The following SLC4A7 variants were observed in gnomAD, a reference collection of about 807,000 sequenced individuals.
SLC4A7 encodes solute carrier family 4 member 7, also known as sodium bicarbonate cotransporter 3.
In SLC4A7, 51 loss-of-function variants were observed where a neutral mutation model predicts 137.6. The ratio of observed to expected loss-of-function variants is 0.37; its 90% confidence interval spans 0.30 to 0.47. SLC4A7 has a LOEUF of 0.47. SLC4A7 is among the 20% of genes least tolerant of loss of function. SLC4A7 has a pLI of 1.00. For missense variants in SLC4A7, 1,247 were observed against 1,525.4 expected (o/e 0.82, Z 3.04); for synonymous variants, 542 against 518.6 (o/e 1.05, Z -0.61).
intron 1 of SLC4A7, among the ~76,000 whole-genome samples, chr3:27,466,337 GCAACT>G (rs2058994752): frequency 6.6e-6 from 1 of 151,826 alleles, no homozygotes; most frequent in South Asian, 2.1e-4. Context: ...TGTAGTCCCA[GCAACT>G]CAAAAGGCTG....
intron 1 of SLC4A7, among the ~76,000 whole-genome samples, chr3:27,459,942 A>G (rs529795812): frequency 8.0e-5 from 12 of 150,730 alleles, no homozygotes; most frequent in Non-Finnish European, 1.8e-4. Context: ...CCTTTCATTT[A>G]CAATCTCTCT....
intron 4 of SLC4A7, among the ~76,000 whole-genome samples, 168 bp downstream of exon 4, chr3:27,437,220 G>A (rs552605887): frequency 6.6e-5 from 10 of 152,030 alleles, no homozygotes; most frequent in East Asian, 5.8e-4. Flanking sequence ...GCGTGGTGGC[G>A]GGCGCCTGCA....
rs1397098787 is a variant in SLC4A7 at position 27,379,371 on chromosome 3, C to T, written c.3591-15G>A. The T allele has an allele frequency of 7.2e-7, 1 of 1,395,062 alleles. No homozygotes were observed. The highest frequency in any genetic ancestry group is 1.2e-5 in the South Asian group (1 of 81,042). The allele number at this position is 1,395,062 out of a possible 1,614,324, so 86.4% of individuals were successfully genotyped here. On this transcript the variant is annotated splice_polypyrimidine_tract_variant and intron_variant, in intron 24 of 25. Transcript: ENST00000454389. ...AGGGATCAACACTGAAGAACAAATA[C>T]ACTTTTTGGTTAGTATTCAGTACTT...
intron 10 of SLC4A7, among the ~76,000 whole-genome samples, chr3:27,420,228 T>C (rs2054821567): frequency 6.6e-6 from 1 of 151,676 alleles, no homozygotes; most frequent in African/African-American, 2.4e-5. Context: ...ATATGGGGCA[T>C]TTCAAATACC....
intron 1 of SLC4A7, among the ~76,000 whole-genome samples, chr3:27,477,677 T>C (rs996835086): frequency 7.9e-5 from 12 of 152,192 alleles, no homozygotes; most frequent in Non-Finnish European, 1.6e-4. Flanking sequence ...CGATCTTGGC[T>C]CACTGCAACC....
chr3:27,431,331 GCTC>G lies in SLC4A7; in HGVS notation c.1114_1116del (p.Glu372del). The stretch of plus-strand genomic sequence containing the variant: ...AAGTCAACATTTTCCTCATTCTTCT[GCTC>G]CTCGCCTTTCAGCGCTGCTTCTAAG... On this transcript the variant is annotated inframe_deletion, in exon 7 of 26. Coordinates refer to ENST00000454389, the MANE Select transcript of SLC4A7 (RefSeq NM_001321103.2). 1 of 1,605,772 alleles carries G rather than the reference GCTC, an allele frequency of 6.2e-7. No individual in the cohort carries two copies. Among genetic ancestry groups the G allele is most frequent in the South Asian group, 1.1e-5 (1 of 89,896 alleles).
intron 13 of SLC4A7, among the ~76,000 whole-genome samples, chr3:27,408,335 A>C (rs534839188): frequency 1.2e-4 from 19 of 152,346 alleles, no homozygotes; most frequent in Middle Eastern, 3.4e-3. Flanking sequence ...ACACATTTCC[A>C]TGGGGACTAG....
At chr3:27,380,959 TTAGA>T (rs1409009838) in intron 24 of SLC4A7, among the ~76,000 whole-genome samples, 1 of 152,228 alleles carries the variant, frequency 6.6e-6, no homozygotes, top group Non-Finnish European at 1.5e-5. Flanking sequence ...CAAAATGAAA[TTAGA>T]TAGGAAAAAA....
At position 27,484,193 on chromosome 3, in the gene SLC4A7, T is replaced by TGCCCCTGCCGCC. The variant is rs1232725204; in HGVS notation, c.-79_-68dup. 1.2e-4 allele frequency: 146 copies of TGCCCCTGCCGCC among 1,187,914 alleles called. 1 individual carries two copies. The African/African-American group carries it at 2.1e-3, about 17-fold the overall frequency. 73.6% of individuals were successfully genotyped at this position (1,187,914 alleles called of 1,614,324 possible). A position where few individuals can be genotyped will look rare whatever the true frequency, so the allele number is the denominator to read the frequency against. On this transcript the variant is annotated 5_prime_UTR_variant, in exon 1 of 26. Transcript: ENST00000454389. ...CGCGCGGTCTGCCTGCTTCTGCCGC[T>TGCCCCTGCCGCC]GCCCCTGCCGCCGCCGCCGAGCCCC...
At chr3:27,421,387 T>C (rs2054961800) in intron 9 of SLC4A7, among the ~76,000 whole-genome samples, 1 of 151,912 alleles carries the variant, frequency 6.6e-6, no homozygotes, top group African/African-American at 2.4e-5. Context: ...TCCAGACTAC[T>C]AGGGAGGCTA....
chr3:27,379,432 T>C (rs974377279), intron 24 of SLC4A7, 76 bp from the exon 25 acceptor site: 8 of 720,862 alleles, frequency 1.1e-5, no homozygotes, highest in Admixed American at 2.2e-5. Flanking sequence ...TATTATCTGC[T>C]TTCATCAACT....
intron 13 of SLC4A7, among the ~76,000 whole-genome samples, chr3:27,409,100 A>G (rs1040250354): frequency 7.2e-5 from 11 of 152,240 alleles, no homozygotes; most frequent in South Asian, 2.1e-4. Flanking sequence ...CTTTTACTCA[A>G]TTTATAAAAC....
chr3:27,393,987 A>T (rs2051868559), intron 20 of SLC4A7, among the ~76,000 whole-genome samples: 1 of 152,000 alleles, frequency 6.6e-6, no homozygotes, highest in Admixed American at 6.6e-5. Context: ...ACTTTTATTT[A>T]TGAGCGTTTT....
rs1438280912 is a variant in SLC4A7 at position 27,437,991 on chromosome 3, GC to G, written c.290-466del. Among the ~76,000 whole-genome samples the G allele has an allele frequency of 1.2e-4, 19 of 152,250 alleles. 1 individual carries two copies. The highest frequency in any genetic ancestry group is 7.8e-4 in the Admixed American group (12 of 15,290). On this transcript the variant is annotated intron_variant, in intron 3 of 25. Transcript: ENST00000454389. ...GCAAGTGTACCATCTGAGGTCAGGAGCTCGAGACCAGCCTAGCCAACATGGT... is the reference window on the plus strand; with the variant it reads ...GCAAGTGTACCATCTGAGGTCAGGAGTCGAGACCAGCCTAGCCAACATGGT...
chr3:27,483,729 G>T (rs917597208), intron 1 of SLC4A7, among the ~76,000 whole-genome samples: 1 of 151,902 alleles, frequency 6.6e-6, no homozygotes, highest in Non-Finnish European at 1.5e-5. Context: ...CTAAGAAACA[G>T]GGGAGGCGAG....
At chr3:27,398,112 T>C in intron 17 of SLC4A7, 80 bp downstream of exon 17, 1 of 1,016,692 alleles carries the variant, frequency 9.8e-7, no homozygotes, top group Non-Finnish European at 1.5e-6. Flanking sequence ...AAAAAATATA[T>C]TACTGTTTTG....
At chr3:27,437,779 C>T (rs2056854083) in intron 3 of SLC4A7, among the ~76,000 whole-genome samples, 1 of 150,534 alleles carries the variant, frequency 6.6e-6, no homozygotes, top group African/African-American at 2.4e-5. Context: ...ACAAGTCAAA[C>T]TAACTTTATA....
At chr3:27,422,102 G>C (rs567986068) in intron 8 of SLC4A7, among the ~76,000 whole-genome samples, 34 of 152,136 alleles carry the variant, frequency 2.2e-4, no homozygotes, top group African/African-American at 7.7e-4. Flanking sequence ...ACTAACAATG[G>C]TTCATGAAAT....
chr3:27,397,634 A>C (rs780292808), intron 18 of SLC4A7, 50 bp downstream of exon 18: 44 of 848,602 alleles, frequency 5.2e-5, no homozygotes, highest in Non-Finnish European at 8.4e-5. Context: ...CTTGCTTTAA[A>C]GTAGTGTGGT....
Sources: gnomAD v4.1 joint callset for allele counts (sites outside exome capture counted in the v4.1 genomes callset) on GRCh38, gnomAD v4.1.1 for gene constraint, MANE v1.5 for transcripts, NCBI Gene and HGNC (gene_info 2026-07-23, HGNC 2026-07-21) for gene names.